CSMD3: variants seen among roughly 807,000 people sequenced by gnomAD.
The protein encoded by CSMD3 is CUB and Sushi multiple domains 3, also known as CUB and sushi domain-containing protein 3.
Under a neutral mutation model 435.2 loss-of-function variants are expected in CSMD3, and 177 were observed. The ratio of observed to expected loss-of-function variants is 0.41; its 90% confidence interval spans 0.36 to 0.46. The LOEUF (loss-of-function observed/expected upper bound fraction) is 0.46, where lower values mean the gene tolerates loss of function less well. Among genes scored for constraint, CSMD3 ranks in the 20% least tolerant of loss-of-function variants. CSMD3 has a pLI of 0.34. For missense variants in CSMD3, 4,265 were observed against 4,504.6 expected (o/e 0.95, Z 1.52); for synonymous variants, 1,656 against 1,520.5 (o/e 1.09, Z -2.07).
intron 1 of CSMD3, among the ~76,000 whole-genome samples, chr8:113,392,101 TA>T (rs1045703900): frequency 2.6e-5 from 4 of 152,224 alleles, no homozygotes; most frequent in Non-Finnish European, 5.9e-5. Context: ...GAAACCACTG[TA>T]AAAACAACAA....
At chr8:113,156,990 A>G in intron 4 of CSMD3, among the ~76,000 whole-genome samples, 1 of 151,454 alleles carries the variant, frequency 6.6e-6, no homozygotes, top group East Asian at 2.0e-4. Context: ...GTTTGTTTGT[A>G]TTGTATTTAG....
At chr8:112,679,331 C>T (rs1283798155) in intron 16 of CSMD3, among the ~76,000 whole-genome samples, 1 of 152,058 alleles carries the variant, frequency 6.6e-6, no homozygotes, top group African/African-American at 2.4e-5. Context: ...TGGCAAGGGC[C>T]ACCCTAAGAT....
intron 5 of CSMD3, among the ~76,000 whole-genome samples, chr8:113,057,004 G>A (rs2088371726): frequency 6.6e-6 from 1 of 152,034 alleles, no homozygotes; most frequent in South Asian, 2.1e-4. Flanking sequence ...TTAAATTTGG[G>A]AAGCTGTTTG....
At chr8:113,350,015 G>GTCTA (rs2094179109) in intron 1 of CSMD3, among the ~76,000 whole-genome samples, 1 of 151,974 alleles carries the variant, frequency 6.6e-6, no homozygotes, top group African/African-American at 2.4e-5. Context: ...TAGAGTCCGA[G>GTCTA]GCTACCATGT....
At chr8:112,593,227 A>G (rs746035226) in intron 22 of CSMD3, among the ~76,000 whole-genome samples, 6 of 152,214 alleles carry the variant, frequency 3.9e-5, no homozygotes, top group Admixed American at 3.3e-4. Flanking sequence ...AGAGAAAAAC[A>G]TGACCAACTT....
chr8:112,634,840 A>G (rs2074612170), intron 22 of CSMD3, among the ~76,000 whole-genome samples: 1 of 151,920 alleles, frequency 6.6e-6, no homozygotes, highest in Admixed American at 6.6e-5. Flanking sequence ...TTCTAGAATC[A>G]CGTTTCCCTA....
intron 54 of CSMD3, 76 bp from the exon 55 acceptor site, chr8:112,292,786 A>G: frequency 1.6e-6 from 2 of 1,244,124 alleles, no homozygotes; most frequent in Non-Finnish European, 1.2e-6. Flanking sequence ...TGCATTATTG[A>G]TTATACTTAA....
At chr8:112,790,188 C>T (rs567090759) in intron 13 of CSMD3, among the ~76,000 whole-genome samples, 110 of 151,936 alleles carry the variant, frequency 7.2e-4, no homozygotes, top group Non-Finnish European at 1.2e-3. Flanking sequence ...TACATAAAAA[C>T]GACTCTTGCC....
intron 4 of CSMD3, among the ~76,000 whole-genome samples, chr8:113,120,058 G>T (rs1488178771): frequency 6.6e-6 from 1 of 151,850 alleles, no homozygotes; most frequent in Non-Finnish European, 1.5e-5. Flanking sequence ...GAAGGCATCA[G>T]CCTAAAAATA....
chr8:112,376,086 A>G (rs1400854144), intron 38 of CSMD3, among the ~76,000 whole-genome samples: 1 of 152,116 alleles, frequency 6.6e-6, no homozygotes, highest in East Asian at 1.9e-4. Flanking sequence ...ACTCACCCCA[A>G]GTGTCACCTC....
intron 14 of CSMD3, among the ~76,000 whole-genome samples, chr8:112,686,181 C>T (rs907862956): frequency 7.9e-5 from 12 of 152,084 alleles, no homozygotes; most frequent in African/African-American, 1.9e-4. Context: ...TGTGTGAGTT[C>T]CATTTCTATG....
At chr8:113,101,090 G>A (rs1370359773) in intron 4 of CSMD3, among the ~76,000 whole-genome samples, 1 of 152,028 alleles carries the variant, frequency 6.6e-6, no homozygotes, top group Non-Finnish European at 1.5e-5. Context: ...GGTTTCTAAG[G>A]GCTTTGACAG....
At chr8:112,528,290 T>G (rs1323591528) in intron 27 of CSMD3, among the ~76,000 whole-genome samples, 1 of 152,076 alleles carries the variant, frequency 6.6e-6, no homozygotes, top group African/African-American at 2.4e-5. Flanking sequence ...TTGTAGGCAA[T>G]TTATTCATTA....
chr8:112,935,018 A>G (rs2083236759), intron 9 of CSMD3, among the ~76,000 whole-genome samples: 1 of 152,014 alleles, frequency 6.6e-6, no homozygotes, highest in Non-Finnish European at 1.5e-5. Context: ...GGTTGTTTAT[A>G]GTAGTTACAT....
intron 5 of CSMD3, among the ~76,000 whole-genome samples, chr8:113,061,596 G>GTCAT (rs1446384606): frequency 2.0e-5 from 3 of 152,008 alleles, no homozygotes; most frequent in Non-Finnish European, 4.4e-5. Context: ...ATAGACTTTT[G>GTCAT]TCATTAAACT....
At chr8:112,555,652 A>T (rs1040463593) in intron 25 of CSMD3, among the ~76,000 whole-genome samples, 2 of 152,024 alleles carry the variant, frequency 1.3e-5, no homozygotes, top group African/African-American at 4.8e-5. Context: ...CAATGTTTTA[A>T]TAAACCAACA....
At chr8:112,227,771 G>A (rs1267839653) in intron 70 of CSMD3, among the ~76,000 whole-genome samples, 9 of 152,042 alleles carry the variant, frequency 5.9e-5, no homozygotes, top group Admixed American at 3.9e-4. Flanking sequence ...TCAATTTTGC[G>A]GTGGCTCACA....
chr8:112,408,872 C>A (rs2130073700), intron 33 of CSMD3, 47 bp downstream of exon 33: 1 of 1,612,596 alleles, frequency 6.2e-7, no homozygotes, highest in South Asian at 1.1e-5. Context: ...TAATCAAAGT[C>A]AGTCTTTAAT....
chr8:112,711,129 T>C (rs1314023944), intron 13 of CSMD3, among the ~76,000 whole-genome samples: 2 of 152,144 alleles, frequency 1.3e-5, no homozygotes, highest in East Asian at 3.8e-4. Context: ...TAGTAACTGA[T>C]ATAAGTGCTT....
Sources: gnomAD v4.1 joint callset for allele counts (sites outside exome capture counted in the v4.1 genomes callset) on GRCh38, gnomAD v4.1.1 for gene constraint, MANE v1.5 for transcripts, NCBI Gene and HGNC (gene_info 2026-07-23, HGNC 2026-07-21) for gene names.